The following GPC5 variants were observed in gnomAD, a reference collection of about 807,000 sequenced individuals.
GPC5 encodes glypican-5.
In GPC5, 47 loss-of-function variants were observed where a neutral mutation model predicts 53.9. The ratio of observed to expected loss-of-function variants is 0.87; its 90% CI spans 0.69 to 1.11. The LOEUF (loss-of-function observed/expected upper bound fraction) is 1.11, where lower values mean the gene tolerates loss of function less well. Among genes scored for constraint, GPC5 ranks in the 50% most tolerant of loss-of-function variants. The pLI is 0.00. For synonymous variants in GPC5, 286 were observed against 263.3 expected (o/e 1.09, Z -0.84); for missense variants, 748 against 713.1 (o/e 1.05, Z -0.56).
chr13:91,553,428 G>A (rs1474103658), intron 2 of GPC5, among the ~76,000 whole-genome samples: 1 of 152,006 alleles, frequency 6.6e-6, no homozygotes, highest in East Asian at 1.9e-4. Context: ...CACAGTTAGA[G>A]CTCAATAAAT....
At chr13:92,223,032 G>A (rs890724298) in intron 7 of GPC5, among the ~76,000 whole-genome samples, 12 of 152,094 alleles carry the variant, frequency 7.9e-5, no homozygotes, top group East Asian at 1.9e-4. Context: ...CTATAATCCC[G>A]AATATAATTT....
At chr13:92,322,025 T>C (rs6492599) in intron 7 of GPC5, among the ~76,000 whole-genome samples, 75,505 of 151,960 alleles carry the variant, frequency 0.5, 21,069 homozygotes, top group African/African-American at 0.77. Context: ...ATTTATGTAA[T>C]GCATGACATA....
intron 7 of GPC5, among the ~76,000 whole-genome samples, chr13:92,648,147 T>C (rs7995319): frequency 0.57 from 86,269 of 151,872 alleles, 28,057 homozygotes; most frequent in Non-Finnish European, 0.75. Context: ...TCATTATTTT[T>C]GGTAAGAACA....
intron 7 of GPC5, among the ~76,000 whole-genome samples, chr13:92,466,567 AAATTCTTATGGAAGCACT>A (rs1299423605): frequency 6.6e-6 from 1 of 152,102 alleles, no homozygotes; most frequent in Non-Finnish European, 1.5e-5. Context: ...GTTTATGGTA[AAATTCTTATGGAAGCACT>A]AATTCTTATG....
chr13:92,136,571 A>G (rs1202791159), intron 6 of GPC5, among the ~76,000 whole-genome samples: 4 of 152,230 alleles, frequency 2.6e-5, no homozygotes, highest in Non-Finnish European at 5.9e-5. Flanking sequence ...AGGTACATCT[A>G]TGATGACTAA....
At chr13:92,648,811 C>A (rs111603006) in intron 7 of GPC5, among the ~76,000 whole-genome samples, 2,309 of 152,182 alleles carry the variant, frequency 0.015, 71 homozygotes, top group African/African-American at 0.052. Context: ...CAAACTGGGG[C>A]ATGTCATTTT....
chr13:91,715,290 A>C (rs1005701750), intron 3 of GPC5, among the ~76,000 whole-genome samples: 1 of 152,194 alleles, frequency 6.6e-6, no homozygotes, highest in African/African-American at 2.4e-5. Flanking sequence ...CTTCACCAGG[A>C]TGTATGATAT....
chr13:92,021,411 G>T (rs949534037), intron 6 of GPC5, among the ~76,000 whole-genome samples: 4 of 152,146 alleles, frequency 2.6e-5, no homozygotes, highest in Non-Finnish European at 4.4e-5. Flanking sequence ...ACTTATATGA[G>T]ATATCTAAGT....
chr13:91,955,600 C>T (rs533747457), intron 6 of GPC5, among the ~76,000 whole-genome samples: 17 of 152,250 alleles, frequency 1.1e-4, no homozygotes, highest in Non-Finnish European at 2.1e-4. Flanking sequence ...AGTGGGAGAC[C>T]CCCAGTGGTC....
chr13:91,692,333 T>C (rs1368979365), intron 2 of GPC5, among the ~76,000 whole-genome samples: 1 of 152,236 alleles, frequency 6.6e-6, no homozygotes, highest in Non-Finnish European at 1.5e-5. Context: ...AAATGAATGC[T>C]TTACTTTCTC....
rs377414066 is a variant in GPC5 at position 91,424,279 on chromosome 13, CCTT to C, written c.164-24478_164-24476del. 9.6e-3 allele frequency among the ~76,000 whole-genome samples: 1,454 copies of C among 151,344 alleles called. 26 individuals are homozygous for C. Among genetic ancestry groups the C allele is most frequent in the African/African-American group, 0.033 (1,348 of 41,174 alleles). On this transcript the variant is annotated intron_variant, in intron 1 of 7. Transcript: ENST00000377067. ...TCAGTTTCATCATGACATTCCTTGACCTTCTTAGGACAAGAATGACTTTTTTTT... is the reference window on the plus strand; with the variant it reads ...TCAGTTTCATCATGACATTCCTTGACCTTAGGACAAGAATGACTTTTTTTT...
chr13:92,427,299 T>C (rs1458623706), intron 7 of GPC5, among the ~76,000 whole-genome samples: 1 of 149,534 alleles, frequency 6.7e-6, no homozygotes, highest in Non-Finnish European at 1.5e-5. Context: ...TTGGTCTCCA[T>C]TGTTTTGCAG....
intron 4 of GPC5, among the ~76,000 whole-genome samples, chr13:91,736,353 A>G (rs1255153554): frequency 1.3e-5 from 2 of 151,426 alleles, no homozygotes; most frequent in Admixed American, 6.6e-5. Flanking sequence ...GTTTTTTAAA[A>G]TCAAGTTCTT....
intron 7 of GPC5, among the ~76,000 whole-genome samples, chr13:92,855,781 A>T (rs1265360971): frequency 6.6e-6 from 1 of 151,904 alleles, no homozygotes; most frequent in African/African-American, 2.4e-5. Flanking sequence ...GAAACACACC[A>T]CCTCCCAAGA....
At chr13:92,184,251 C>T (rs995188065) in intron 7 of GPC5, among the ~76,000 whole-genome samples, 4 of 152,116 alleles carry the variant, frequency 2.6e-5, no homozygotes, top group Non-Finnish European at 4.4e-5. Flanking sequence ...ATTATATATA[C>T]ACAGAGTATA....
intron 4 of GPC5, among the ~76,000 whole-genome samples, chr13:91,751,843 C>T (rs2037184375): frequency 6.6e-6 from 1 of 152,178 alleles, no homozygotes; most frequent in African/African-American, 2.4e-5. Context: ...TTCCCATGCT[C>T]TTTCTAATGC....
chr13:92,800,236 G>T (rs975838588), intron 7 of GPC5, among the ~76,000 whole-genome samples: 2 of 151,814 alleles, frequency 1.3e-5, no homozygotes, highest in African/African-American at 2.4e-5. Flanking sequence ...ATTCATTAAA[G>T]AATTTACATT....
intron 5 of GPC5, among the ~76,000 whole-genome samples, chr13:91,860,504 C>T (rs1268126706): frequency 2.0e-5 from 3 of 148,216 alleles, no homozygotes; most frequent in African/African-American, 5.0e-5. Context: ...TTCTTTCTTT[C>T]TTTCTTCTTT....
Position 92,862,558 on chromosome 13 carries a change from T to G in GPC5, c.1562-3724T>G, listed in dbSNP as rs976076387. ...ATATATATAGATAGATATATAGATA[T>G]ATAGATATTTGACTCGTCTAAGTGT... On this transcript the variant is annotated intron_variant, in intron 7 of 7. Coordinates refer to ENST00000377067, the MANE Select transcript of GPC5 (RefSeq NM_004466.6). Among the ~76,000 whole-genome samples the G allele has an allele frequency of 4.6e-5, 7 of 152,140 alleles. No individual in the cohort carries two copies. The South Asian group carries it at 1.2e-3, about 27-fold the overall frequency.
Sources: gnomAD v4.1 joint callset for allele counts (sites outside exome capture counted in the v4.1 genomes callset) on GRCh38, gnomAD v4.1.1 for gene constraint, MANE v1.5 for transcripts, NCBI Gene and HGNC (gene_info 2026-07-23, HGNC 2026-07-21) for gene names.